PAM: variants seen among roughly 807,000 people sequenced by gnomAD.
PAM encodes peptidylglycine alpha-amidating monooxygenase.
Under a neutral mutation model 122.1 loss-of-function variants are expected in PAM, and 72 were observed. The observed-to-expected ratio is 0.59, with a 90% confidence interval of 0.49 to 0.72. PAM has a LOEUF of 0.72. Ranked by LOEUF, PAM falls within the 30% of genes least tolerant of loss-of-function variation. The pLI is 0.00. For synonymous variants in PAM, 389 were observed against 404.4 expected (o/e 0.96, Z 0.46); for missense variants, 1,106 against 1,183.7 (o/e 0.93, Z 0.96).
chr5:102,901,664 C>T (rs1336100723), intron 4 of PAM, among the ~76,000 whole-genome samples: 2 of 151,502 alleles, frequency 1.3e-5, no homozygotes, highest in East Asian at 2.0e-4. Flanking sequence ...GCCGCCAATA[C>T]TGTGTGGTCC....
chr5:102,929,289 A>G (rs1224275322), intron 7 of PAM, among the ~76,000 whole-genome samples: 1 of 152,176 alleles, frequency 6.6e-6, no homozygotes, highest in African/African-American at 2.4e-5. Flanking sequence ...CAGCTTCTGT[A>G]TTGTGATCTC....
chr5:103,019,385 G>T (rs917056870), intron 22 of PAM, among the ~76,000 whole-genome samples: 3 of 152,136 alleles, frequency 2.0e-5, no homozygotes, highest in African/African-American at 7.2e-5. Context: ...CTAAATCGGT[G>T]TCTCATTTAT....
intron 21 of PAM, among the ~76,000 whole-genome samples, chr5:103,013,996 A>T (rs1338030728): frequency 1.3e-5 from 2 of 152,204 alleles, no homozygotes; most frequent in Admixed American, 1.3e-4. Context: ...CATTACACTG[A>T]TAATAAATAT....
chr5:102,965,758 C>G (rs1763906375), intron 14 of PAM, among the ~76,000 whole-genome samples: 2 of 151,988 alleles, frequency 1.3e-5, no homozygotes, highest in South Asian at 4.1e-4. Context: ...AGGGAAAATA[C>G]CCCATGACCC....
At chr5:103,021,386 T>G (rs1266862909) in intron 23 of PAM, among the ~76,000 whole-genome samples, 1 of 152,216 alleles carries the variant, frequency 6.6e-6, no homozygotes, top group Non-Finnish European at 1.5e-5. Flanking sequence ...CTCATTTCTG[T>G]TTAAATAGAT....
At chr5:102,951,300 G>T (rs1277597588) in intron 12 of PAM, among the ~76,000 whole-genome samples, 1 of 151,970 alleles carries the variant, frequency 6.6e-6, no homozygotes, top group Admixed American at 6.6e-5. Flanking sequence ...TATCAAAAAA[G>T]AATGTTGAGC....
At chr5:103,012,453 T>G (rs1236578340) in intron 21 of PAM, among the ~76,000 whole-genome samples, 1 of 152,200 alleles carries the variant, frequency 6.6e-6, no homozygotes, top group Non-Finnish European at 1.5e-5. Flanking sequence ...AAGTGAGAGA[T>G]AGGGATCAAG....
At chr5:102,905,240 C>T (rs1799183048) in intron 4 of PAM, among the ~76,000 whole-genome samples, 1 of 151,548 alleles carries the variant, frequency 6.6e-6, no homozygotes, top group Admixed American at 6.6e-5. Context: ...GCAGCCCACT[C>T]AGCCAAGAAA....
chr5:102,868,412 T>C lies in PAM; in HGVS notation c.210+1019T>C, dbSNP rs539917595. 3.3e-5 allele frequency among the ~76,000 whole-genome samples: 5 copies of C among 152,340 alleles called. No individual in the cohort carries two copies. The South Asian group carries it at 1.0e-3, about 32-fold the overall frequency. On this transcript the variant is annotated intron_variant, in intron 3 of 25. Coordinates refer to ENST00000438793, the MANE Select transcript of PAM (RefSeq NM_001177306.2). ...TGGCATTCATTTATTTGAAGACCTG[T>C]GTATGATTGTCTATAACTAACTACC... is the stretch of plus-strand genomic sequence containing the variant.
intron 24 of PAM, among the ~76,000 whole-genome samples, chr5:103,027,281 A>G (rs186118021): frequency 4.2e-4 from 64 of 152,324 alleles, no homozygotes; most frequent in African/African-American, 1.5e-3. Context: ...TGGCTTTCTA[A>G]CAGTCTTACC....
At chr5:103,003,560 C>G (rs933333947) in intron 17 of PAM, among the ~76,000 whole-genome samples, 23 of 152,212 alleles carry the variant, frequency 1.5e-4, no homozygotes, top group African/African-American at 5.5e-4. Flanking sequence ...CATTGTACCC[C>G]ATAAATGTAT....
At chr5:102,818,102 C>T (rs1220117070) in intron 1 of PAM, among the ~76,000 whole-genome samples, 1 of 145,008 alleles carries the variant, frequency 6.9e-6, no homozygotes, top group Non-Finnish European at 1.5e-5. Flanking sequence ...TAACCCCTAA[C>T]TCTTTTTCTT....
At chr5:102,999,588 C>A (rs1776753414) in intron 16 of PAM, among the ~76,000 whole-genome samples, 1 of 152,232 alleles carries the variant, frequency 6.6e-6, no homozygotes, top group Non-Finnish European at 1.5e-5. Context: ...GAGGGTTCCT[C>A]CCCTGCAGAA....
intron 7 of PAM, among the ~76,000 whole-genome samples, chr5:102,936,503 A>G (rs143457525): frequency 2.9e-4 from 44 of 152,254 alleles, no homozygotes; most frequent in Admixed American, 2.1e-3. Context: ...ATTTCACTAA[A>G]CAAATATTTT....
Position 102,971,751 on chromosome 5 carries a change from A to G in PAM, c.1163-2365A>G, listed in dbSNP as rs1187820273. On this transcript the variant is annotated intron_variant, in intron 14 of 25. Coordinates refer to ENST00000438793, the MANE Select transcript of PAM (RefSeq NM_001177306.2). ...ATTTATGTTCTACTCCATCTGTTAT[A>G]TTCATTAGATGTATTTTCTAAATAA... is the stretch of plus-strand genomic sequence containing the variant. 2.6e-5 allele frequency among the ~76,000 whole-genome samples: 4 copies of G among 152,336 alleles called. No individual in the cohort carries two copies. In the East Asian group the frequency reaches 7.7e-4, roughly 29 times the overall value.
chr5:102,946,905 C>A lies in PAM; in HGVS notation c.575+20C>A. 6.5e-7 allele frequency: 1 copy of A among 1,540,858 alleles called. No homozygotes were observed. Among genetic ancestry groups the A allele is most frequent in the East Asian group, 2.2e-5 (1 of 44,480 alleles). ...TCTGCCGTAAGTACTTCCATTTTTCCTAGAGGAGCAGCAACTTTAACATCT... is the reference window on the plus strand; with the variant it reads ...TCTGCCGTAAGTACTTCCATTTTTCATAGAGGAGCAGCAACTTTAACATCT... On this transcript the variant is annotated intron_variant, in intron 8 of 25. Transcript: ENST00000438793.
intron 1 of PAM, among the ~76,000 whole-genome samples, chr5:102,828,926 T>G (rs1463626533): frequency 3.3e-5 from 5 of 151,442 alleles, no homozygotes; most frequent in East Asian, 1.9e-4. Flanking sequence ...GGGTTTTTTT[T>G]TTTTTTTTTT....
At chr5:102,991,568 G>A (rs148396069) in intron 16 of PAM, among the ~76,000 whole-genome samples, 9 of 152,014 alleles carry the variant, frequency 5.9e-5, no homozygotes, top group East Asian at 1.9e-4. Context: ...GTTCTGTCAC[G>A]TATGCATATG....
Position 102,800,279 on chromosome 5 carries a change from T to G in PAM, c.-374+44931T>G, listed in dbSNP as rs977994590. Reference sequence around the variant, plus strand: ...TTCTTCTGAGACTGAGGTTTCTCTCTGCCAACTGTATCTCAGTCATTCCCC... The same window carrying G: ...TTCTTCTGAGACTGAGGTTTCTCTCGGCCAACTGTATCTCAGTCATTCCCC... On this transcript the variant is annotated intron_variant, in intron 1 of 25. Transcript: ENST00000438793. Among the ~76,000 whole-genome samples, 25 of 152,362 alleles carry G rather than the reference T, an allele frequency of 1.6e-4. No individual in the cohort carries two copies. In the South Asian group the frequency reaches 1.9e-3, roughly 11 times the overall value.
Sources: gnomAD v4.1 joint callset for allele counts (sites outside exome capture counted in the v4.1 genomes callset) on GRCh38, gnomAD v4.1.1 for gene constraint, MANE v1.5 for transcripts, NCBI Gene and HGNC (gene_info 2026-07-23, HGNC 2026-07-21) for gene names.